STPG1: variants seen among roughly 807,000 people sequenced by gnomAD.
STPG1 encodes the protein sperm tail PG-rich repeat containing 1.
In STPG1, 33 loss-of-function variants were observed where a neutral mutation model predicts 40.1. The ratio of observed to expected loss-of-function variants is 0.82; its 90% CI spans 0.62 to 1.10. STPG1 has a LOEUF of 1.10. Among genes scored for constraint, STPG1 ranks in the 50% least tolerant of loss-of-function variants. STPG1 has a pLI of 0.00. For synonymous variants in STPG1, 150 were observed against 155.0 expected (o/e 0.97, Z 0.24); for missense variants, 396 against 415.1 (o/e 0.95, Z 0.40).
rs371613780 is a variant in STPG1, at chr1:24,381,513, G to A, written c.292-1690C>T. Reference sequence around the variant, plus strand: ...CCTGCCAGCATGCAAATACAGAGAGGCCATCAAACTCTCCACCCACCTGCC... The same window carrying A: ...CCTGCCAGCATGCAAATACAGAGAGACCATCAAACTCTCCACCCACCTGCC... On this transcript the variant is annotated intron_variant, in intron 4 of 8. Transcript: ENST00000337248. 5.9e-5 allele frequency among the ~76,000 whole-genome samples: 9 copies of A among 152,270 alleles called. No homozygotes were observed. In the East Asian group the frequency reaches 1.7e-3, roughly 29 times the overall value.
Position 24,372,944 on chromosome 1 carries a change from A to G in STPG1, c.571+758T>C, listed in dbSNP as rs551471556. On this transcript the variant is annotated intron_variant, in intron 6 of 8. Coordinates refer to ENST00000337248, the MANE Select transcript of STPG1 (RefSeq NM_001199013.2). ...AGGTCAGAGAGCACAGGAGAGGTGCAACACCCTTCCCCAAGGCCGGCAGGG... is the reference window on the plus strand; with the variant it reads ...AGGTCAGAGAGCACAGGAGAGGTGCGACACCCTTCCCCAAGGCCGGCAGGG... Among the ~76,000 whole-genome samples the G allele has an allele frequency of 7.2e-5, 11 of 152,306 alleles. No individual in the cohort carries two copies. In the South Asian group the frequency reaches 2.3e-3, roughly 32 times the overall value.
At chr1:24,374,270 T>G (rs1180991199) in intron 5 of STPG1, among the ~76,000 whole-genome samples, 4 of 138,462 alleles carry the variant, frequency 2.9e-5, no homozygotes, top group Non-Finnish European at 6.2e-5. Context: ...TTTTTTTTTT[T>G]TTTTCTGAGA....
At chr1:24,363,664 T>C (rs1200428425) in intron 7 of STPG1, among the ~76,000 whole-genome samples, 1 of 152,224 alleles carries the variant, frequency 6.6e-6, no homozygotes, top group African/African-American at 2.4e-5. Flanking sequence ...TGAAATCTGT[T>C]CGAATAGAGG....
At chr1:24,374,279 GAC>G (rs1641912851) in intron 5 of STPG1, among the ~76,000 whole-genome samples, 1 of 99,682 alleles carries the variant, frequency 1.0e-5, no homozygotes, top group Admixed American at 1.5e-4. Flanking sequence ...TTTTTTCTGA[GAC>G]AGAGTCTTGC....
At chr1:24,382,776 T>C (rs1183744603) in intron 4 of STPG1, among the ~76,000 whole-genome samples, 1 of 151,860 alleles carries the variant, frequency 6.6e-6, no homozygotes, top group African/African-American at 2.4e-5. Context: ...AAATGGTCCC[T>C]TTGTGTGGTT....
chr1:24,369,644 AAAAG>A (rs1641638234), intron 7 of STPG1, 26 bp downstream of exon 7: 1 of 1,558,776 alleles, frequency 6.4e-7, no homozygotes, highest in African/African-American at 1.4e-5. Context: ...ACCACCTTTC[AAAAG>A]AAAGACCAGA....
chr1:24,371,808 G>C (rs1341041668), intron 6 of STPG1, among the ~76,000 whole-genome samples: 2 of 152,308 alleles, frequency 1.3e-5, no homozygotes, highest in African/African-American at 2.4e-5. Flanking sequence ...CTACCAGAGA[G>C]AGCCAGCCGC....
intron 1 of STPG1, among the ~76,000 whole-genome samples, chr1:24,412,552 C>T (rs564279314): frequency 6.6e-6 from 1 of 152,278 alleles, no homozygotes; most frequent in African/African-American, 2.4e-5. Context: ...CAGTCTATTT[C>T]CTCACATACA....
intron 4 of STPG1, 148 bp downstream of exon 4, chr1:24,383,754 T>C (rs2148698900): frequency 1.6e-6 from 1 of 606,648 alleles, no homozygotes; most frequent in Non-Finnish European, 3.0e-6. Context: ...TCCAATTTAC[T>C]TGCATGAAAT....
chr1:24,369,703 G>A lies in STPG1; in HGVS notation c.708C>T (p.Cys236=), dbSNP rs1641642999. Residue 236 remains cysteine (C), a synonymous_variant, in exon 7 of 9, where the codon TGC becomes TGT. Coordinates refer to ENST00000337248, the MANE Select transcript of STPG1 (RefSeq NM_001199013.2). ...PGPGYYNPSD[C]TKVPKKTLFP... is the part of the protein sequence containing the mutation. ...AAAGAGTCTTTTTTGGAACTTTTGT[G>A]CAATCACTGGGGTTGTAATAACCAG... The A allele has an allele frequency of 6.9e-6, 11 of 1,598,750 alleles. No homozygotes were observed. The highest frequency in any genetic ancestry group is 3.5e-5 in the Admixed American group (2 of 57,630).
intron 7 of STPG1, among the ~76,000 whole-genome samples, chr1:24,365,413 T>C (rs1381776018): frequency 2.0e-5 from 3 of 152,216 alleles, no homozygotes; most frequent in Non-Finnish European, 2.9e-5. Flanking sequence ...CCCTAAGTGA[T>C]TGAGTCATCA....
At chr1:24,382,448 C>T (rs1357099737) in intron 4 of STPG1, among the ~76,000 whole-genome samples, 2 of 152,192 alleles carry the variant, frequency 1.3e-5, no homozygotes, top group Non-Finnish European at 2.9e-5. Context: ...TCTCCACTTT[C>T]ATGAGGCAAC....
intron 5 of STPG1, among the ~76,000 whole-genome samples, chr1:24,375,668 C>T (rs1311200439): frequency 6.6e-6 from 1 of 152,126 alleles, no homozygotes; most frequent in Non-Finnish European, 1.5e-5. Context: ...CCTCAAAGCA[C>T]AGTGTGGCTA....
At chr1:24,394,263 C>T (rs1317751349) in intron 2 of STPG1, among the ~76,000 whole-genome samples, 1 of 152,098 alleles carries the variant, frequency 6.6e-6, no homozygotes, top group Non-Finnish European at 1.5e-5. Flanking sequence ...AGAAATGGGG[C>T]AAAATTACCC....
Position 24,360,951 on chromosome 1 carries a change from G to A in STPG1, c.828C>T (p.Asp276=). The A allele has an allele frequency of 6.2e-7, 1 of 1,614,086 alleles. No individual in the cohort carries two copies. The highest frequency in any genetic ancestry group is 8.5e-7 in the Non-Finnish European group (1 of 1,180,000). The change falls in exon 8 of 9, where the codon GAC becomes GAT. Residue 276 remains aspartate (D), a synonymous_variant. Coordinates refer to ENST00000337248, the MANE Select transcript of STPG1 (RefSeq NM_001199013.2). ...TGAAATGCTTGCGGGGGCCTAAGTA[G>A]TCCACGATCTCATACTGACCAGGAC... ...FPGPGQYEIV[D]YLGPRKHFIS... is the part of the protein sequence containing the mutation.
intron 2 of STPG1, chr1:24,392,019 T>G: frequency 5.7e-6 from 6 of 1,054,396 alleles, no homozygotes; most frequent in Non-Finnish European, 6.9e-6. Context: ...GGGAGCAGCC[T>G]GGACGAGGCG....
At chr1:24,376,155 G>A (rs957845092) in intron 5 of STPG1, among the ~76,000 whole-genome samples, 2 of 152,152 alleles carry the variant, frequency 1.3e-5, no homozygotes, top group Non-Finnish European at 2.9e-5. Flanking sequence ...CGAGTAGCTG[G>A]GATTACAGGT....
intron 2 of STPG1, among the ~76,000 whole-genome samples, chr1:24,398,055 C>T (rs1643078703): frequency 6.6e-6 from 1 of 152,030 alleles, no homozygotes; most frequent in Admixed American, 6.5e-5. Context: ...CCACTATTAG[C>T]GTATGAAAAT....
At chr1:24,366,904 C>T (rs1641496976) in intron 7 of STPG1, among the ~76,000 whole-genome samples, 2 of 152,236 alleles carry the variant, frequency 1.3e-5, no homozygotes, top group South Asian at 2.1e-4. Flanking sequence ...TGCAGGCCTT[C>T]TCAGAGCCTT....
Sources: allele counts gnomAD v4.1 joint callset (sites outside exome capture counted in the v4.1 genomes callset), GRCh38; gene constraint gnomAD v4.1.1; transcripts MANE v1.5; gene names NCBI Gene and HGNC (gene_info 2026-07-23, HGNC 2026-07-21).